The following RALGAPA1 variants were observed in gnomAD, a reference collection of about 807,000 sequenced individuals.
RALGAPA1 encodes ral GTPase-activating protein subunit alpha-1.
A neutral mutation model predicts 269.6 loss-of-function variants in RALGAPA1; 52 were observed. That is an observed-to-expected ratio of 0.19 (90% confidence interval 0.15 to 0.24). The LOEUF is 0.24. RALGAPA1 is among the 10% of genes least tolerant of loss of function. RALGAPA1 has a pLI of 1.00. For synonymous variants in RALGAPA1, 817 were observed against 1,008.3 expected (o/e 0.81, Z 3.60); for missense variants, 1,917 against 3,013.9 (o/e 0.64, Z 8.52).
intron 16 of RALGAPA1, among the ~76,000 whole-genome samples, chr14:35,704,268 T>C (rs1162599148): frequency 6.6e-6 from 1 of 152,180 alleles, no homozygotes; most frequent in East Asian, 1.9e-4. Context: ...CTTATGAGTA[T>C]GTTCAAAAAT....
chr14:35,709,272 A>G (rs1482129104), intron 16 of RALGAPA1, among the ~76,000 whole-genome samples: 1 of 152,134 alleles, frequency 6.6e-6, no homozygotes, highest in Non-Finnish European at 1.5e-5. Context: ...GGTAATGAAT[A>G]CCCCATTTAC....
chr14:35,680,580 TTTTA>T (rs145483057), intron 21 of RALGAPA1, among the ~76,000 whole-genome samples: 51,749 of 150,494 alleles, frequency 0.34, 12,284 homozygotes, highest in African/African-American at 0.67. Context: ...CTGCCTTTAA[TTTTA>T]TTTATTTATT....
At chr14:35,609,022 C>T (rs566806942) in intron 35 of RALGAPA1, among the ~76,000 whole-genome samples, 2 of 151,990 alleles carry the variant, frequency 1.3e-5, no homozygotes, top group Non-Finnish European at 2.9e-5. Flanking sequence ...GTCAGGAGAT[C>T]GAGATCATCC....
At chr14:35,804,751 T>A (rs773874790) in intron 1 of RALGAPA1, among the ~76,000 whole-genome samples, 7 of 147,648 alleles carry the variant, frequency 4.7e-5, no homozygotes, top group Non-Finnish European at 9.0e-5. Flanking sequence ...CTGGGCAACA[T>A]GAGACCCCAT....
intron 1 of RALGAPA1, among the ~76,000 whole-genome samples, chr14:35,782,346 G>T (rs907970157): frequency 2.6e-5 from 4 of 152,188 alleles, no homozygotes; most frequent in African/African-American, 9.7e-5. Context: ...GACATTCTGT[G>T]TTCATGAGTA....
At chr14:35,590,129 C>T (rs1476633116) in intron 37 of RALGAPA1, among the ~76,000 whole-genome samples, 3 of 152,172 alleles carry the variant, frequency 2.0e-5, no homozygotes, top group Admixed American at 6.5e-5. Context: ...TCCTATTTAA[C>T]ATCATATACT....
chr14:35,627,239 T>C lies in RALGAPA1; in HGVS notation c.6708A>G (p.Thr2236=), dbSNP rs1317291320. The C allele has an allele frequency of 8.1e-6, 13 of 1,606,310 alleles. No homozygotes were observed. Among genetic ancestry groups the C allele is most frequent in the Non-Finnish European group, 1.1e-5 (13 of 1,178,274 alleles). The change falls in exon 34 of 42, where the codon ACA becomes ACG. Residue 2236 remains threonine (T), a synonymous_variant. Coordinates refer to ENST00000680220, the MANE Select transcript of RALGAPA1 (RefSeq NM_001346249.2). ...GCTTCTCAACAAATTCTTTTTCTTC[T>C]GTATGTTGCTTAAGGATAGCATTAA... ...DVINAILKQH[T]EEKEFVEKHF...
intron 1 of RALGAPA1, among the ~76,000 whole-genome samples, chr14:35,784,066 A>G (rs770193909): frequency 6.6e-6 from 1 of 152,078 alleles, no homozygotes; most frequent in East Asian, 1.9e-4. Context: ...AGAACATTAC[A>G]TACCCAAGAA....
At chr14:35,685,941 T>C (rs1357800296) in intron 19 of RALGAPA1, among the ~76,000 whole-genome samples, 2 of 151,994 alleles carry the variant, frequency 1.3e-5, no homozygotes, top group Non-Finnish European at 2.9e-5. Context: ...AATTAAGCAT[T>C]ATTAGGGATA....
chr14:35,808,010 C>T (rs1452726150), intron 1 of RALGAPA1: 2 of 152,148 alleles, frequency 1.3e-5, no homozygotes, highest in Non-Finnish European at 2.9e-5. Context: ...CTTTATCAGC[C>T]TACCAAATGA....
chr14:35,550,978 T>C (rs969017040), intron 39 of RALGAPA1, among the ~76,000 whole-genome samples: 5 of 152,180 alleles, frequency 3.3e-5, no homozygotes, highest in African/African-American at 1.2e-4. Flanking sequence ...ATGAAACTGA[T>C]GGTACAATCT....
At position 35,689,053 on chromosome 14, in the gene RALGAPA1, T is replaced by C; in HGVS notation, c.3358A>G (p.Ser1120Gly). The C allele has an allele frequency of 2.4e-6, 3 of 1,236,292 alleles. No individual in the cohort carries two copies. Among genetic ancestry groups the C allele is most frequent in the South Asian group, 4.1e-5 (1 of 24,652 alleles). The allele number at this position is 1,236,292 out of a possible 1,614,324, so 76.6% of individuals were successfully genotyped here. The change falls in exon 18 of 42, where the codon AGC (serine) becomes GGC (glycine). Residue 1120 changes from serine (S) to glycine (G), a missense_variant. Ser to Gly is a moderately conservative substitution (Grantham distance 56). Around this residue, in one of 11 missense-constraint regions of RALGAPA1, gnomAD observed 615 missense variants for 790.0 expected, o/e 0.78. Transcript: ENST00000680220. ...NRRMPHVTST[S>G]KLSPTKRSLS... ...CTCCTTTTAGTTGGAGAAAGTTTGC[T>C]AGTACTTGTAACATGAGGCATTCTG...
At position 35,651,682 on chromosome 14, in the gene RALGAPA1, A is replaced by T. The variant is rs1393747202; in HGVS notation, c.5676+123T>A. Reference sequence around the variant, plus strand: ...CTTAAATAACAGAAAGGCATTTCACATTATAGTAGATTCTGAACAAGGATA... The same window carrying T: ...CTTAAATAACAGAAAGGCATTTCACTTTATAGTAGATTCTGAACAAGGATA... On this transcript the variant is annotated intron_variant, in intron 31 of 41. Coordinates refer to ENST00000680220, the MANE Select transcript of RALGAPA1 (RefSeq NM_001346249.2). 7 of 801,284 alleles carry T rather than the reference A, an allele frequency of 8.7e-6. No homozygotes were observed. The African/African-American group carries it at 1.3e-4, about 14-fold the overall frequency. The allele number at this position is 801,284 out of a possible 1,614,324, so 49.6% of individuals were successfully genotyped here. A position where few individuals can be genotyped will look rare whatever the true frequency, so the allele number is the denominator to read the frequency against.
intron 16 of RALGAPA1, among the ~76,000 whole-genome samples, chr14:35,719,222 A>T (rs1490064967): frequency 6.6e-6 from 1 of 152,132 alleles, no homozygotes; most frequent in Admixed American, 6.5e-5. Context: ...CAGCTACTGG[A>T]GGCTGAGTCA....
Position 35,719,158 on chromosome 14 carries a change from A to G in RALGAPA1, c.2266+2530T>C, listed in dbSNP as rs562262427. Among the ~76,000 whole-genome samples, 6 of 152,200 alleles carry G rather than the reference A, an allele frequency of 3.9e-5. No individual in the cohort carries two copies. The East Asian group carries it at 1.2e-3, about 30-fold the overall frequency. ...AGCCTGGCCAACAGGGTGAAATCCC[A>G]TCTCTACTAAAAATACAAAATTAGC... On this transcript the variant is annotated intron_variant, in intron 16 of 41. Transcript: ENST00000680220.
intron 18 of RALGAPA1, 38 bp from the exon 19 acceptor site, chr14:35,686,704 A>G: frequency 8.0e-7 from 1 of 1,243,556 alleles, no homozygotes; most frequent in Non-Finnish European, 1.1e-6. Context: ...GTGAGGAAAA[A>G]CTTAACTGCA....
At chr14:35,754,123 G>C (rs1266714934) in intron 7 of RALGAPA1, among the ~76,000 whole-genome samples, 1 of 152,130 alleles carries the variant, frequency 6.6e-6, no homozygotes, top group Non-Finnish European at 1.5e-5. Context: ...AGACCTTAAT[G>C]TAAAACATAA....
rs764396129 is a variant in RALGAPA1, at chr14:35,627,971, A to G, written c.5996-20T>C. 5 of 1,536,796 alleles carry G rather than the reference A, an allele frequency of 3.3e-6. No homozygotes were observed. Among genetic ancestry groups the G allele is most frequent in the Middle Eastern group, 1.8e-4 (1 of 5,676 alleles). On this transcript the variant is annotated intron_variant, in intron 33 of 41. Coordinates refer to ENST00000680220, the MANE Select transcript of RALGAPA1 (RefSeq NM_001346249.2). ...TTTTCACTGGAAATAAAAAATATAA[A>G]TGAATGGGAATATTGCTGCTTCCTA...
chr14:35,578,994 A>C (rs1049838645), intron 37 of RALGAPA1, among the ~76,000 whole-genome samples: 11 of 152,188 alleles, frequency 7.2e-5, no homozygotes, highest in African/African-American at 2.7e-4. Context: ...ATAAATCTAT[A>C]AAGAAAATAA....
Sources: gnomAD v4.1 joint callset for allele counts (sites outside exome capture counted in the v4.1 genomes callset) on GRCh38, gnomAD v4.1.1 for gene constraint, gnomAD v4.1.1 regional missense constraint, MANE v1.5 for transcripts, NCBI Gene and HGNC (gene_info 2026-07-23, HGNC 2026-07-21) for gene names.